CCNB1IP1: variants seen among roughly 807,000 people sequenced by gnomAD.
The protein encoded by CCNB1IP1 is E3 ubiquitin-protein ligase CCNB1IP1.
CCNB1IP1 carries 14 observed loss-of-function variants against 25.6 expected under a neutral mutation model. The ratio of observed to expected loss-of-function variants is 0.55; its 90% CI spans 0.36 to 0.85. CCNB1IP1 has a LOEUF of 0.85. Among genes scored for constraint, CCNB1IP1 ranks in the 40% least tolerant of loss-of-function variants. The pLI is 0.01. For synonymous variants in CCNB1IP1, 119 were observed against 116.1 expected (o/e 1.02, Z -0.16); for missense variants, 278 against 342.4 (o/e 0.81, Z 1.48).
At chr14:20,325,698 G>A (rs2138868661) in intron 3 of CCNB1IP1, 45 bp from the exon 4 acceptor site, 1 of 152,116 alleles carries the variant, frequency 6.6e-6, no homozygotes, top group Non-Finnish European at 1.5e-5. Context: ...AAGTCCTGAT[G>A]TTACTTTGAG....
rs758114222 is a variant in CCNB1IP1, at chr14:20,313,749, T to C, written c.350A>G (p.His117Arg). The C allele has an allele frequency of 1.2e-4, 195 of 1,611,548 alleles. No individual in the cohort carries two copies. Among genetic ancestry groups the C allele is most frequent in the Non-Finnish European group, 1.6e-4 (186 of 1,178,698 alleles). The change falls in exon 6 of 7, where the codon CAT (histidine) becomes CGT (arginine). Residue 117 changes from histidine (H) to arginine (R), a missense_variant. Coordinates refer to ENST00000358932, the MANE Select transcript of CCNB1IP1 (RefSeq NM_021178.5). ...ATATATCTTCTCCATCTGTTTCAGATGGCCCTCAGCCTTGCTGAAATTGTA... is the reference window on the plus strand; with the variant it reads ...ATATATCTTCTCCATCTGTTTCAGACGGCCCTCAGCCTTGCTGAAATTGTA... Reference protein sequence around the residue: ...QEYNFSKAEGHLKQMEKIYTQ... With the variant: ...QEYNFSKAEGRLKQMEKIYTQ...
chr14:20,319,994 T>C (rs950127693), intron 4 of CCNB1IP1, among the ~76,000 whole-genome samples: 5 of 152,252 alleles, frequency 3.3e-5, no homozygotes, highest in African/African-American at 1.2e-4. Flanking sequence ...AACTCTTTCA[T>C]TACTCGTAAG....
chr14:20,315,547 A>G, intron 5 of CCNB1IP1: 1 of 1,248,808 alleles, frequency 8.0e-7, no homozygotes, highest in South Asian at 1.4e-5. Flanking sequence ...GTATAAGTGT[A>G]TATGTAAGAT....
chr14:20,315,706 A>G, intron 5 of CCNB1IP1: 7 of 1,211,994 alleles, frequency 5.8e-6, no homozygotes, highest in African/African-American at 1.6e-5. Flanking sequence ...TTGGAAATAA[A>G]TTATGATACA....
chr14:20,317,284 T>C (rs1020234843), intron 4 of CCNB1IP1, among the ~76,000 whole-genome samples: 26 of 152,058 alleles, frequency 1.7e-4, no homozygotes, highest in African/African-American at 6.3e-4. Context: ...CGGGCGCCTG[T>C]AGTCCCAGCT....
Position 20,311,741 on chromosome 14 carries a change from T to TG in CCNB1IP1, c.642dup (p.Lys215GlnfsTer6), listed in dbSNP as rs1470468670. 1.2e-6 allele frequency: 2 copies of TG among 1,613,854 alleles called. No homozygotes were observed. The highest frequency in any genetic ancestry group is 1.7e-6 in the Non-Finnish European group (2 of 1,179,822). ...ACAGGTGTATTATCCAAAGGAAACT[T>TG]GGAGTTGTTACCTAGGGCAGAAAAA... On this transcript the variant is annotated frameshift_variant, in exon 7 of 7. Coordinates refer to ENST00000358932, the MANE Select transcript of CCNB1IP1 (RefSeq NM_021178.5). LOFTEE classifies it high-confidence loss of function.
chr14:20,328,743 TG>T (rs1566406252), intron 2 of CCNB1IP1, among the ~76,000 whole-genome samples: 1 of 152,216 alleles, frequency 6.6e-6, no homozygotes, highest in African/African-American at 2.4e-5. Flanking sequence ...GCACAAAGCC[TG>T]GCACATAAAT....
At chr14:20,323,494 C>T (rs1403924964) in intron 4 of CCNB1IP1, among the ~76,000 whole-genome samples, 2 of 151,608 alleles carry the variant, frequency 1.3e-5, no homozygotes, top group Non-Finnish European at 2.9e-5. Flanking sequence ...GAGAATCACC[C>T]GAGGCTGGGA....
intron 4 of CCNB1IP1, among the ~76,000 whole-genome samples, chr14:20,318,812 G>C (rs925626783): frequency 6.6e-6 from 1 of 152,114 alleles, no homozygotes; most frequent in Non-Finnish European, 1.5e-5. Context: ...GCCCAGGCTG[G>C]AGTGCTGTGA....
At chr14:20,315,844 G>A (rs1882672564) in intron 5 of CCNB1IP1, 2 of 923,638 alleles carry the variant, frequency 2.2e-6, no homozygotes, top group Non-Finnish European at 3.0e-6. Flanking sequence ...AGGAGTTAGA[G>A]ACTAGCCTGG....
chr14:20,315,848 A>G (rs1489818115), intron 5 of CCNB1IP1: 2 of 873,938 alleles, frequency 2.3e-6, no homozygotes, highest in Non-Finnish European at 3.3e-6. Context: ...GTTAGAGACT[A>G]GCCTGGGCAA....
chr14:20,326,561 T>C (rs756855623), intron 3 of CCNB1IP1, 155 bp downstream of exon 3: 20 of 532,896 alleles, frequency 3.8e-5, no homozygotes, highest in South Asian at 2.8e-4. Flanking sequence ...CAGCACTGGC[T>C]CCTCATCCCT....
At position 20,315,883 on chromosome 14, in the gene CCNB1IP1, G is replaced by A. The variant is rs949279377; in HGVS notation, c.297+344C>T. The stretch of plus-strand genomic sequence containing the variant: ...ACACAAGAAAACCCCGTCTCAAAAG[G>A]AAGAAAAATTCATACCAGATATAAT... On this transcript the variant is annotated intron_variant, in intron 5 of 6. Coordinates refer to ENST00000358932, the MANE Select transcript of CCNB1IP1 (RefSeq NM_021178.5). 12 of 549,670 alleles carry A rather than the reference G, an allele frequency of 2.2e-5. No individual in the cohort carries two copies. The African/African-American group carries it at 2.2e-4, about 10-fold the overall frequency. 34.0% of individuals were successfully genotyped at this position (549,670 alleles called of 1,614,324 possible).
Position 20,311,391 on chromosome 14 carries a change from T to C in CCNB1IP1, c.*159A>G. The C allele has an allele frequency of 1.9e-6, 1 of 536,356 alleles. No homozygotes were observed. Among genetic ancestry groups the C allele is most frequent in the Non-Finnish European group, 3.3e-6 (1 of 301,600 alleles). 33.2% of individuals were successfully genotyped at this position (536,356 alleles called of 1,614,324 possible). On this transcript the variant is annotated 3_prime_UTR_variant, in exon 7 of 7. Coordinates refer to ENST00000358932, the MANE Select transcript of CCNB1IP1 (RefSeq NM_021178.5). ...TCTGTAAAGTTAGCTAAATTATCTT[T>C]ATTTTTTTTTAGAAACAGGGTCTCA...
chr14:20,328,969 T>C (rs1883158330), intron 2 of CCNB1IP1, among the ~76,000 whole-genome samples: 1 of 152,212 alleles, frequency 6.6e-6, no homozygotes, highest in South Asian at 2.1e-4. Context: ...AGCCAAAAGG[T>C]ACATTTTATA....
intron 4 of CCNB1IP1, among the ~76,000 whole-genome samples, chr14:20,321,516 G>A (rs183520390): frequency 0.012 from 1,887 of 151,592 alleles, 15 homozygotes; most frequent in Non-Finnish European, 0.019. Flanking sequence ...GCAGTGGCAC[G>A]ATCTCAGCTC....
At chr14:20,325,226 C>T in intron 4 of CCNB1IP1, among the ~76,000 whole-genome samples, 1 of 150,748 alleles carries the variant, frequency 6.6e-6, no homozygotes, top group East Asian at 2.0e-4. Context: ...TCGAGACCAT[C>T]CCGGCTAAAA....
intron 6 of CCNB1IP1, among the ~76,000 whole-genome samples, chr14:20,312,783 A>G (rs1882543500): frequency 6.6e-6 from 1 of 151,782 alleles, no homozygotes; most frequent in Non-Finnish European, 1.5e-5. Context: ...TGATTTAAAG[A>G]AAGAACCCTA....
chr14:20,312,666 T>C (rs1882538570), intron 6 of CCNB1IP1, among the ~76,000 whole-genome samples: 1 of 151,912 alleles, frequency 6.6e-6, no homozygotes, highest in Admixed American at 6.6e-5. Flanking sequence ...CTATTAGATT[T>C]TGTTGCATAA....
Sources: gnomAD v4.1 joint callset for allele counts (sites outside exome capture counted in the v4.1 genomes callset) on GRCh38, gnomAD v4.1.1 for gene constraint, MANE v1.5 for transcripts, NCBI Gene and HGNC (gene_info 2026-07-23, HGNC 2026-07-21) for gene names.